Variants in EXT1 observed in about 807,000 individuals in gnomAD.
EXT1 encodes the protein exostosin glycosyltransferase 1.
Under a neutral mutation model 82.5 loss-of-function variants are expected in EXT1, and 20 were observed. The ratio of observed to expected loss-of-function variants is 0.24; its 90% CI spans 0.17 to 0.35. The LOEUF (loss-of-function observed/expected upper bound fraction) is 0.35, where lower values mean the gene tolerates loss of function less well. EXT1 is among the 10% of genes least tolerant of loss of function. EXT1 has a pLI of 1.00. For missense variants in EXT1, 757 were observed against 936.5 expected (o/e 0.81, Z 2.50); for synonymous variants, 348 against 350.8 (o/e 0.99, Z 0.09).
intron 1 of EXT1, among the ~76,000 whole-genome samples, chr8:118,001,858 C>G (rs1284224657): frequency 1.3e-5 from 2 of 152,148 alleles, no homozygotes; most frequent in Non-Finnish European, 2.9e-5. Flanking sequence ...TTTGGGGCTA[C>G]ACTTAGAAAA....
chr8:118,051,119 T>A (rs1044397701), intron 1 of EXT1, among the ~76,000 whole-genome samples: 1 of 152,150 alleles, frequency 6.6e-6, no homozygotes, highest in African/African-American at 2.4e-5. Context: ...GTGGATCACT[T>A]GAGCCCAGGA....
rs189093193 is a variant in EXT1, at chr8:117,856,969, G to T, written c.963-19768C>A. On this transcript the variant is annotated intron_variant, in intron 1 of 10. Coordinates refer to ENST00000378204, the MANE Select transcript of EXT1 (RefSeq NM_000127.3). The stretch of plus-strand genomic sequence containing the variant: ...ACTCCAAAAATCCTAGGACCCTTAA[G>T]AATTAACTTAAAAGCTGTATATTTA... Among the ~76,000 whole-genome samples, 656 of 152,178 alleles carry T rather than the reference G, an allele frequency of 4.3e-3. 3 individuals are homozygous for T. Among genetic ancestry groups the T allele is most frequent in the Non-Finnish European group, 6.0e-3 (407 of 68,022 alleles).
At chr8:117,965,094 C>T (rs1814781415) in intron 1 of EXT1, among the ~76,000 whole-genome samples, 1 of 151,738 alleles carries the variant, frequency 6.6e-6, no homozygotes, top group Admixed American at 6.6e-5. Context: ...CTCTCAATAC[C>T]CTTCATGTTG....
At chr8:117,973,926 A>AAAGGAAGGAAGGAAGGAAGGAAGG (rs1196438624) in intron 1 of EXT1, among the ~76,000 whole-genome samples, 1 of 71,646 alleles carries the variant, frequency 1.4e-5, no homozygotes, top group Non-Finnish European at 2.8e-5. Context: ...AGAAAGGCAG[A>AAAGGAAGGAAGGAAGGAAGGAAGG]AAGCAAGGAA....
rs955281727 is a variant in EXT1 at position 117,840,449 on chromosome 8, C to T, written c.963-3248G>A. On this transcript the variant is annotated intron_variant, in intron 1 of 10. Transcript: ENST00000378204. Reference sequence around the variant, plus strand: ...CCAACATGGTGTAACCTCAACTCTACTAAAAATACAAAATTAGCTGGGCAT... The same window carrying T: ...CCAACATGGTGTAACCTCAACTCTATTAAAAATACAAAATTAGCTGGGCAT... Among the ~76,000 whole-genome samples, 2 of 152,000 alleles carry T rather than the reference C, an allele frequency of 1.3e-5. 1 individual carries two copies. The highest frequency in any genetic ancestry group is 4.2e-4 in the South Asian group (2 of 4,812).
intron 1 of EXT1, among the ~76,000 whole-genome samples, chr8:117,943,453 A>G (rs1814326055): frequency 6.6e-6 from 1 of 151,618 alleles, no homozygotes; most frequent in Non-Finnish European, 1.5e-5. Context: ...GCAAAGGAAT[A>G]CTATATAGTC....
intron 1 of EXT1, among the ~76,000 whole-genome samples, chr8:118,084,842 C>G (rs1225617745): frequency 6.6e-6 from 1 of 152,162 alleles, no homozygotes; most frequent in African/African-American, 2.4e-5. Flanking sequence ...GGAGACTGGC[C>G]TAATGTACTC....
At chr8:118,023,042 A>G (rs1816139713) in intron 1 of EXT1, among the ~76,000 whole-genome samples, 2 of 152,216 alleles carry the variant, frequency 1.3e-5, no homozygotes, top group African/African-American at 4.8e-5. Context: ...AAACCAAGTC[A>G]TAAACCATAC....
chr8:118,080,413 A>T, intron 1 of EXT1, among the ~76,000 whole-genome samples: 1 of 152,190 alleles, frequency 6.6e-6, no homozygotes, highest in East Asian at 1.9e-4. Flanking sequence ...TGAATTAAGT[A>T]AATAACTGCC....
At chr8:117,882,595 AC>A (rs1270291986) in intron 1 of EXT1, among the ~76,000 whole-genome samples, 4 of 152,148 alleles carry the variant, frequency 2.6e-5, no homozygotes, top group African/African-American at 9.7e-5. Context: ...CTGTAGGGGT[AC>A]CCTAAGTCAA....
At chr8:117,969,631 G>A (rs531639860) in intron 1 of EXT1, among the ~76,000 whole-genome samples, 17 of 152,276 alleles carry the variant, frequency 1.1e-4, no homozygotes, top group Non-Finnish European at 2.2e-4. Context: ...GCATGTTTGC[G>A]AGTCCCCTCC....
chr8:117,946,649 C>T (rs1173720967), intron 1 of EXT1, among the ~76,000 whole-genome samples: 3 of 152,268 alleles, frequency 2.0e-5, no homozygotes, highest in African/African-American at 7.2e-5. Flanking sequence ...TACACGAGGA[C>T]CAGTCGTGGG....
At position 117,799,903 on chromosome 8, in the gene EXT1, G is replaced by T. The variant is rs776436302; in HGVS notation, c.2056-6C>A. ...CAACGGGAAGCCCGAGAAGTCTAGG[G>T]AGAAGGAGAGAAACAAGGATAATGA... On this transcript the variant is annotated splice_polypyrimidine_tract_variant and splice_region_variant and intron_variant, in intron 10 of 10. Transcript: ENST00000378204. 1.2e-6 allele frequency: 2 copies of T among 1,613,712 alleles called. No homozygotes were observed. The highest frequency in any genetic ancestry group is 3.3e-5 in the Admixed American group (2 of 60,018).
chr8:117,918,995 A>G (rs1813805496), intron 1 of EXT1, among the ~76,000 whole-genome samples: 2 of 152,158 alleles, frequency 1.3e-5, no homozygotes, highest in African/African-American at 4.8e-5. Flanking sequence ...GCAGAATTCA[A>G]TACAGCTTAC....
chr8:117,979,889 T>A (rs1161450702), intron 1 of EXT1, among the ~76,000 whole-genome samples: 1 of 152,230 alleles, frequency 6.6e-6, no homozygotes, highest in Admixed American at 6.5e-5. Context: ...CAAATTGTTT[T>A]GTTCATATGT....
chr8:117,879,477 C>T (rs1342034168), intron 1 of EXT1, among the ~76,000 whole-genome samples: 1 of 151,658 alleles, frequency 6.6e-6, no homozygotes, highest in Non-Finnish European at 1.5e-5. Flanking sequence ...TGGAAGACTA[C>T]ATTCTATATT....
intron 1 of EXT1, among the ~76,000 whole-genome samples, chr8:117,903,015 C>G (rs966949990): frequency 1.3e-5 from 2 of 152,182 alleles, no homozygotes; most frequent in African/African-American, 4.8e-5. Flanking sequence ...CTGCGTGTTA[C>G]TACCAAGCTC....
At chr8:118,005,818 T>A (rs914585254) in intron 1 of EXT1, among the ~76,000 whole-genome samples, 1 of 152,238 alleles carries the variant, frequency 6.6e-6, no homozygotes, top group Non-Finnish European at 1.5e-5. Context: ...ACCCTATGTA[T>A]GCTTCTTCAT....
intron 1 of EXT1, among the ~76,000 whole-genome samples, chr8:117,858,766 A>AAGGAAGGCAGGCAGGCAGGCAGGCAGGC (rs1289892313): frequency 2.2e-4 from 12 of 54,668 alleles, no homozygotes; most frequent in Non-Finnish European, 2.6e-4. Flanking sequence ...GGAAGGAAGG[A>AAGGAAGGCAGGCAGGCAGGCAGGCAGGC]AGGCAGGCAG....
Sources: gnomAD v4.1 joint callset for allele counts (sites outside exome capture counted in the v4.1 genomes callset) on GRCh38, gnomAD v4.1.1 for gene constraint, MANE v1.5 for transcripts, NCBI Gene and HGNC (gene_info 2026-07-23, HGNC 2026-07-21) for gene names.